Variants in IMMP2L observed in about 807,000 individuals in gnomAD.
The protein encoded by IMMP2L is mitochondrial inner membrane protease subunit 2.
A neutral mutation model predicts 19.3 loss-of-function variants in IMMP2L; 18 were observed. The ratio of observed to expected loss-of-function variants is 0.93; its 90% CI spans 0.64 to 1.38. The LOEUF is 1.38. Ranked by LOEUF, IMMP2L falls within the 40% of genes most tolerant of loss-of-function variation. The probability of loss-of-function intolerance (pLI) is 0.00; values close to 1 mark genes in which losing one functional copy is unlikely to be tolerated. For synonymous variants in IMMP2L, 76 were observed against 73.0 expected (o/e 1.04, Z -0.21); for missense variants, 233 against 218.2 (o/e 1.07, Z -0.43).
intron 5 of IMMP2L, among the ~76,000 whole-genome samples, chr7:110,725,513 A>C (rs992693774): frequency 9.9e-5 from 15 of 152,112 alleles, no homozygotes; most frequent in Non-Finnish European, 1.5e-5. Flanking sequence ...ATTTTATAAT[A>C]TTGTAAAAAT....
intron 3 of IMMP2L, among the ~76,000 whole-genome samples, chr7:111,463,402 C>A (rs1840319755): frequency 6.6e-6 from 1 of 152,094 alleles, no homozygotes; most frequent in Admixed American, 6.6e-5. Context: ...TGCTCCACAT[C>A]CCAGAGGCTA....
chr7:111,418,757 G>A (rs1835185659), intron 3 of IMMP2L, among the ~76,000 whole-genome samples: 1 of 151,792 alleles, frequency 6.6e-6, no homozygotes, highest in Admixed American at 6.5e-5. Context: ...AAAAATTTCT[G>A]TTATCTAATT....
At chr7:111,290,445 C>T (rs1173863368) in intron 3 of IMMP2L, among the ~76,000 whole-genome samples, 2 of 151,836 alleles carry the variant, frequency 1.3e-5, no homozygotes, top group Non-Finnish European at 2.9e-5. Context: ...GTTTTAAATG[C>T]CTTCAGATGT....
chr7:111,271,289 C>A (rs999230007), intron 3 of IMMP2L, among the ~76,000 whole-genome samples: 5 of 152,124 alleles, frequency 3.3e-5, no homozygotes, highest in African/African-American at 1.2e-4. Context: ...AAACCTCTTC[C>A]TTTATAATTT....
At chr7:110,786,868 C>T (rs1234392595) in intron 5 of IMMP2L, among the ~76,000 whole-genome samples, 3 of 151,984 alleles carry the variant, frequency 2.0e-5, no homozygotes, top group African/African-American at 7.2e-5. Flanking sequence ...TTCTCCATAA[C>T]ACTGAAAGCC....
intron 3 of IMMP2L, among the ~76,000 whole-genome samples, chr7:111,283,338 C>G (rs1208085669): frequency 6.6e-6 from 1 of 152,030 alleles, no homozygotes; most frequent in Admixed American, 6.6e-5. Flanking sequence ...CTAATTCTAC[C>G]TAGGAAAATG....
At chr7:110,928,546 C>G (rs533360852) in intron 4 of IMMP2L, among the ~76,000 whole-genome samples, 1 of 149,168 alleles carries the variant, frequency 6.7e-6, no homozygotes, top group African/African-American at 2.5e-5. Flanking sequence ...AATAACAGAA[C>G]CTCACAGAGA....
At chr7:111,262,899 T>C (rs1403231331) in intron 3 of IMMP2L, among the ~76,000 whole-genome samples, 1 of 152,108 alleles carries the variant, frequency 6.6e-6, no homozygotes, top group Non-Finnish European at 1.5e-5. Context: ...TTGACATTAA[T>C]TAATAGAGTT....
intron 1 of IMMP2L, among the ~76,000 whole-genome samples, chr7:111,524,143 T>C (rs1051792554): frequency 6.6e-6 from 1 of 152,036 alleles, no homozygotes; most frequent in Non-Finnish European, 1.5e-5. Flanking sequence ...ATTAGCTCAG[T>C]CTCTCTGAAA....
chr7:110,820,927 T>C (rs1002398861), intron 5 of IMMP2L, among the ~76,000 whole-genome samples: 1 of 152,056 alleles, frequency 6.6e-6, no homozygotes, highest in Non-Finnish European at 1.5e-5. Flanking sequence ...CCAATCTCCC[T>C]CCACTAAAAT....
At chr7:111,330,270 T>C (rs973489361) in intron 3 of IMMP2L, among the ~76,000 whole-genome samples, 1 of 150,716 alleles carries the variant, frequency 6.6e-6, no homozygotes, top group Non-Finnish European at 1.5e-5. Flanking sequence ...ACTGGAAAAA[T>C]AGTAGAAAAT....
chr7:111,325,502 G>A (rs1401285485), intron 3 of IMMP2L, among the ~76,000 whole-genome samples: 1 of 151,470 alleles, frequency 6.6e-6, no homozygotes, highest in Admixed American at 6.6e-5. Flanking sequence ...AATTTTAAAT[G>A]AATGTATATT....
intron 4 of IMMP2L, among the ~76,000 whole-genome samples, chr7:110,947,863 ATAATT>A (rs1419089515): frequency 2.0e-5 from 3 of 152,194 alleles, no homozygotes; most frequent in Non-Finnish European, 2.9e-5. Context: ...GTCAGGGAAT[ATAATT>A]TATTTGTGTA....
chr7:110,827,835 G>T (rs1338858470), intron 5 of IMMP2L, among the ~76,000 whole-genome samples: 3 of 152,022 alleles, frequency 2.0e-5, no homozygotes, highest in Admixed American at 6.6e-5. Flanking sequence ...ATATCATCAA[G>T]AATATATTAT....
chr7:110,821,681 G>A (rs1216595795), intron 5 of IMMP2L, among the ~76,000 whole-genome samples: 2 of 151,932 alleles, frequency 1.3e-5, no homozygotes, highest in African/African-American at 2.4e-5. Context: ...GGGAGGCCGA[G>A]GTAGGCAGAT....
At chr7:111,204,126 TC>T (rs2129616581) in intron 3 of IMMP2L, among the ~76,000 whole-genome samples, 1 of 152,298 alleles carries the variant, frequency 6.6e-6, no homozygotes, top group East Asian at 1.9e-4. Context: ...ATAATATCAT[TC>T]CTCTAGTGGA....
rs114267770 is a variant in IMMP2L, at chr7:111,334,592, T to C, written c.239+152646A>G. 5.4e-3 allele frequency among the ~76,000 whole-genome samples: 820 copies of C among 152,168 alleles called. 7 individuals carry two copies. The highest frequency in any genetic ancestry group is 0.019 in the African/African-American group (781 of 41,536). On this transcript the variant is annotated intron_variant, in intron 3 of 5. Coordinates refer to ENST00000405709, the MANE Select transcript of IMMP2L (RefSeq NM_032549.4). ...TTAAATTCCCAGCTCATAAAGGCAT[T>C]CAGGGTAATAAGCTAATTTGTATAA...
chr7:111,186,415 C>A (rs1164023602), intron 3 of IMMP2L, among the ~76,000 whole-genome samples: 1 of 151,846 alleles, frequency 6.6e-6, no homozygotes, highest in African/African-American at 2.4e-5. Flanking sequence ...CATCTAGAAC[C>A]ATATCTTTCA....
chr7:111,539,204 A>AGGAAGGAAGGAAGG lies in IMMP2L; in HGVS notation c.-2-17756_-2-17755insCCTTCCTTCCTTCC, dbSNP rs879777334. Among the ~76,000 whole-genome samples the AGGAAGGAAGGAAGG allele has an allele frequency of 1.5e-3, 50 of 33,980 alleles. 7 individuals are homozygous for AGGAAGGAAGGAAGG. Among genetic ancestry groups the AGGAAGGAAGGAAGG allele is most frequent in the East Asian group, 3.1e-3 (3 of 974 alleles). The allele number at this position is 33,980 out of a possible 152,430, so 22.3% of individuals were successfully genotyped here. Reference sequence around the variant, plus strand: ...GGAAGGAAGGAAGGAGGGAGAAAGAAAGAAAGAAAGAAAGAAAGAAAGAAA... The same window carrying AGGAAGGAAGGAAGG: ...GGAAGGAAGGAAGGAGGGAGAAAGAAGGAAGGAAGGAAGGAGAAAGAAAGAAAGAAAGAAAGAAA... On this transcript the variant is annotated intron_variant, in intron 1 of 5. Coordinates refer to ENST00000405709, the MANE Select transcript of IMMP2L (RefSeq NM_032549.4).
Sources: gnomAD v4.1 joint callset for allele counts (sites outside exome capture counted in the v4.1 genomes callset) on GRCh38, gnomAD v4.1.1 for gene constraint, MANE v1.5 for transcripts, NCBI Gene and HGNC (gene_info 2026-07-23, HGNC 2026-07-21) for gene names.